The following C1orf105 variants were observed in gnomAD, a reference collection of about 807,000 sequenced individuals.
C1orf105 encodes the protein chromosome 1 open reading frame 105.
C1orf105 carries 17 observed loss-of-function variants against 20.8 expected under a neutral mutation model. The observed-to-expected ratio is 0.82, with a 90% CI of 0.56 to 1.23. C1orf105 has a LOEUF of 1.23. Ranked by LOEUF, C1orf105 falls within the 50% of genes most tolerant of loss-of-function variation. The pLI is 0.00. For missense variants in C1orf105, 219 were observed against 213.5 expected (o/e 1.03, Z -0.16); for synonymous variants, 72 against 72.1 (o/e 1.00, Z 0.01).
At chr1:172,447,794 C>T (rs1307088771) in intron 2 of C1orf105, among the ~76,000 whole-genome samples, 2 of 152,226 alleles carry the variant, frequency 1.3e-5, no homozygotes, top group East Asian at 3.8e-4. Flanking sequence ...ATGCCAGGGG[C>T]ATGAATGGTG....
rs544800560 is a variant in C1orf105 at position 172,422,766 on chromosome 1, G to A, written c.21+1860G>A. Among the ~76,000 whole-genome samples the A allele has an allele frequency of 5.3e-5, 8 of 149,618 alleles. No homozygotes were observed. In the East Asian group the frequency reaches 1.6e-3, roughly 30 times the overall value. On this transcript the variant is annotated intron_variant, in intron 1 of 6. Transcript: ENST00000367727. Reference sequence around the variant, plus strand: ...AGAGAGGAGCCCACTGCCCTGAAGGGTAAGTCACTTTCCTGGCAGCATCCA... The same window carrying A: ...AGAGAGGAGCCCACTGCCCTGAAGGATAAGTCACTTTCCTGGCAGCATCCA...
At chr1:172,454,600 C>T (rs531921693) in intron 3 of C1orf105, among the ~76,000 whole-genome samples, 2 of 152,156 alleles carry the variant, frequency 1.3e-5, no homozygotes, top group Non-Finnish European at 2.9e-5. Context: ...TTACCCGAAG[C>T]TGATTTGCTA....
chr1:172,451,699 T>G (rs556485572), intron 3 of C1orf105, among the ~76,000 whole-genome samples: 12 of 152,174 alleles, frequency 7.9e-5, no homozygotes, highest in African/African-American at 2.4e-4. Flanking sequence ...TTTTATACAT[T>G]TTGGGTTTTT....
chr1:172,451,245 T>G (rs1648600663), intron 3 of C1orf105: 1 of 152,230 alleles, frequency 6.6e-6, no homozygotes, highest in African/African-American at 2.4e-5. Flanking sequence ...CACTCCACCC[T>G]CTCAATTCCT....
chr1:172,437,936 G>A (rs2072095836), intron 1 of C1orf105, among the ~76,000 whole-genome samples: 1 of 151,952 alleles, frequency 6.6e-6, no homozygotes, highest in Non-Finnish European at 1.5e-5. Flanking sequence ...CTCTTGTTAG[G>A]GGCTAATGTA....
chr1:172,460,312 T>C (rs896499092), intron 4 of C1orf105, among the ~76,000 whole-genome samples: 6 of 152,222 alleles, frequency 3.9e-5, no homozygotes, highest in Non-Finnish European at 5.9e-5. Flanking sequence ...CTATGTAACC[T>C]TGGGCTAGAA....
Position 172,468,599 on chromosome 1 carries a change from T to C in C1orf105, c.*5T>C, listed in dbSNP as rs764310386. 2.5e-6 allele frequency: 4 copies of C among 1,612,288 alleles called. No homozygotes were observed. The highest frequency in any genetic ancestry group is 2.7e-5 in the African/African-American group (2 of 74,994). On this transcript the variant is annotated 3_prime_UTR_variant, in exon 7 of 7. Transcript: ENST00000367727. ...GGCAAGACAACGAGGCAGTGAGCGG[T>C]AGGAGCTCATCACCTCCCAGACTCC... is the stretch of plus-strand genomic sequence containing the variant.
rs1372461549 is a variant in C1orf105, at chr1:172,430,293, C to T, written c.21+9387C>T. On this transcript the variant is annotated intron_variant, in intron 1 of 6. Transcript: ENST00000367727. The stretch of plus-strand genomic sequence containing the variant: ...TACTTTATACCAATTGTTTTCTAGG[C>T]CTGAATCCTTGTGCCAGCAGCCCAC... 3 of 701,642 alleles carry T rather than the reference C, an allele frequency of 4.3e-6. No individual in the cohort carries two copies. In the South Asian group the frequency reaches 4.4e-5, roughly 10 times the overall value. The allele number at this position is 701,642 out of a possible 1,614,324, so 43.5% of individuals were successfully genotyped here.
intron 1 of C1orf105, among the ~76,000 whole-genome samples, chr1:172,437,578 C>T (rs1411819398): frequency 1.3e-5 from 1 of 79,224 alleles, no homozygotes; most frequent in Non-Finnish European, 2.3e-5. Context: ...ACACTGGGGC[C>T]TGCCGGGGGG....
intron 2 of C1orf105, 43 bp downstream of exon 2, chr1:172,445,201 T>C (rs1342003910): frequency 1.4e-6 from 2 of 1,466,602 alleles, no homozygotes; most frequent in Admixed American, 3.6e-5. Context: ...ACGAAACATC[T>C]CACAGAAGAT....
chr1:172,456,600 C>A, intron 4 of C1orf105, 111 bp downstream of exon 4: 1 of 1,027,118 alleles, frequency 9.7e-7, no homozygotes, highest in Non-Finnish European at 1.5e-6. Flanking sequence ...GCAAGGAGGG[C>A]CTAGATAAAG....
At chr1:172,421,204 A>G (rs1024587813) in intron 1 of C1orf105, among the ~76,000 whole-genome samples, 3 of 152,214 alleles carry the variant, frequency 2.0e-5, no homozygotes, top group Admixed American at 1.3e-4. Flanking sequence ...TTAAATCCTC[A>G]GAAAATTGAT....
intron 1 of C1orf105, among the ~76,000 whole-genome samples, chr1:172,433,264 T>C (rs576801272): frequency 6.6e-6 from 1 of 152,210 alleles, no homozygotes; most frequent in East Asian, 1.9e-4. Context: ...ACCACAAAGA[T>C]ACCCCTTGAG....
At chr1:172,431,259 A>T in intron 1 of C1orf105, 1 of 439,768 alleles carries the variant, frequency 2.3e-6, no homozygotes. Flanking sequence ...TTGTGAATGC[A>T]AATAAAAAGT....
In C1orf105 at chr1:172,462,257, A is replaced by G; in HGVS notation, c.341+12A>G. On this transcript the variant is annotated intron_variant, in intron 5 of 6. Transcript: ENST00000367727. ...TGTATGAGTTATAGGTAAGTCAACAATTTAAATCAGGACATGACTTAATTC... is the reference window on the plus strand; with the variant it reads ...TGTATGAGTTATAGGTAAGTCAACAGTTTAAATCAGGACATGACTTAATTC... 6.3e-7 allele frequency: 1 copy of G among 1,584,348 alleles called. No homozygotes were observed. The highest frequency in any genetic ancestry group is 8.6e-7 in the Non-Finnish European group (1 of 1,158,882).
Position 172,462,094 on chromosome 1 carries a change from C to T in C1orf105, c.274-84C>T. ...TGAAGGACTTTGACATCAAATACAA[C>T]ACAAATTCACTAAAGTGGTACATTA... is the stretch of plus-strand genomic sequence containing the variant. On this transcript the variant is annotated intron_variant, in intron 4 of 6. Transcript: ENST00000367727. 4 of 1,036,028 alleles carry T rather than the reference C, an allele frequency of 3.9e-6. No individual in the cohort carries two copies. In the South Asian group the frequency reaches 5.7e-5, roughly 15 times the overall value. The allele number at this position is 1,036,028 out of a possible 1,614,324, so 64.2% of individuals were successfully genotyped here.
intron 1 of C1orf105, chr1:172,442,736 T>A: frequency 1.1e-6 from 1 of 898,264 alleles, no homozygotes; most frequent in Non-Finnish European, 1.8e-6. Flanking sequence ...CCATGCTGTG[T>A]TGATGTTCTA....
At chr1:172,464,363 C>G (rs149263160) in intron 5 of C1orf105, among the ~76,000 whole-genome samples, 1 of 152,142 alleles carries the variant, frequency 6.6e-6, no homozygotes, top group Non-Finnish European at 1.5e-5. Flanking sequence ...AAAATAATCT[C>G]GGAAGATCTT....
chr1:172,425,719 T>C (rs1400496377), intron 1 of C1orf105, among the ~76,000 whole-genome samples: 2 of 152,178 alleles, frequency 1.3e-5, no homozygotes, highest in East Asian at 1.9e-4. Context: ...GTTTGTGATA[T>C]TATCCCCAAA....
Sources: gnomAD v4.1 joint callset for allele counts (sites outside exome capture counted in the v4.1 genomes callset) on GRCh38, gnomAD v4.1.1 for gene constraint, MANE v1.5 for transcripts, NCBI Gene and HGNC (gene_info 2026-07-23, HGNC 2026-07-21) for gene names.